MAGI2: variants seen among roughly 807,000 people sequenced by gnomAD.
MAGI2 encodes membrane associated guanylate kinase, WW and PDZ domain containing 2, also known as membrane-associated guanylate kinase, WW and PDZ domain-containing protein 2.
A neutral mutation model predicts 133.3 loss-of-function variants in MAGI2; 35 were observed. That is an observed-to-expected ratio of 0.26 (90% confidence interval 0.20 to 0.35). The LOEUF (loss-of-function observed/expected upper bound fraction) is 0.35. Among genes scored for constraint, MAGI2 ranks in the 10% least tolerant of loss-of-function variants. The pLI, the probability that MAGI2 is intolerant of heterozygous loss-of-function variation, is 1.00. For missense variants in MAGI2, 1,636 were observed against 1,863.4 expected (o/e 0.88, Z 2.25); for synonymous variants, 729 against 710.6 (o/e 1.03, Z -0.41).
intron 1 of MAGI2, among the ~76,000 whole-genome samples, chr7:79,055,283 G>C (rs1025499397): frequency 8.8e-6 from 1 of 113,850 alleles, no homozygotes; most frequent in Non-Finnish European, 1.7e-5. Context: ...GTAAGGGCAT[G>C]CCTTTTTTTT....
At chr7:79,065,645 G>A (rs1814230413) in intron 1 of MAGI2, among the ~76,000 whole-genome samples, 1 of 152,016 alleles carries the variant, frequency 6.6e-6, no homozygotes, top group South Asian at 2.1e-4. Context: ...ATGTGCCATA[G>A]TGGTTTGCTG....
chr7:78,313,728 T>G (rs2151101544), intron 9 of MAGI2, among the ~76,000 whole-genome samples: 1 of 152,244 alleles, frequency 6.6e-6, no homozygotes, highest in Admixed American at 6.5e-5. Flanking sequence ...TTTTTTGCTC[T>G]TAAAACTATA....
intron 1 of MAGI2, among the ~76,000 whole-genome samples, chr7:79,255,890 G>GT (rs1222266971): frequency 6.6e-6 from 1 of 152,172 alleles, no homozygotes; most frequent in East Asian, 1.9e-4. Flanking sequence ...GGATTTGGAT[G>GT]TTTTCCAGTT....
chr7:78,465,904 C>T (rs557430356), intron 6 of MAGI2, among the ~76,000 whole-genome samples: 45 of 152,194 alleles, frequency 3.0e-4, no homozygotes, highest in African/African-American at 6.5e-4. Flanking sequence ...CTATGCACTT[C>T]GGCCGTAAAG....
chr7:79,084,110 G>C (rs1024329341), intron 1 of MAGI2, among the ~76,000 whole-genome samples: 3 of 151,264 alleles, frequency 2.0e-5, no homozygotes, highest in African/African-American at 7.3e-5. Flanking sequence ...TCAATTTTTT[G>C]GTGTACTTGA....
At chr7:78,519,630 A>G (rs944018845) in intron 4 of MAGI2, among the ~76,000 whole-genome samples, 3 of 152,186 alleles carry the variant, frequency 2.0e-5, no homozygotes, top group African/African-American at 7.2e-5. Context: ...CCTTATGCAT[A>G]AGGTATGAAT....
intron 6 of MAGI2, among the ~76,000 whole-genome samples, chr7:78,453,653 G>A (rs574797665): frequency 6.6e-6 from 1 of 152,244 alleles, no homozygotes; most frequent in African/African-American, 2.4e-5. Flanking sequence ...TGGGTGGCCA[G>A]TGCAATGCTG....
chr7:78,961,256 T>C (rs992647505), intron 2 of MAGI2, among the ~76,000 whole-genome samples: 16 of 152,222 alleles, frequency 1.1e-4, no homozygotes, highest in African/African-American at 2.9e-4. Flanking sequence ...GTGATATAAA[T>C]GTAATCTTCA....
intron 21 of MAGI2, among the ~76,000 whole-genome samples, chr7:78,036,896 G>A (rs1339909405): frequency 6.6e-6 from 1 of 152,204 alleles, no homozygotes; most frequent in African/African-American, 2.4e-5. Flanking sequence ...TTATAGGTGT[G>A]AGCCACCATG....
chr7:78,538,174 C>T (rs1263919038), intron 3 of MAGI2, among the ~76,000 whole-genome samples: 1 of 152,142 alleles, frequency 6.6e-6, no homozygotes, highest in Non-Finnish European at 1.5e-5. Flanking sequence ...CTATGCTGTT[C>T]CATTGGTCCC....
At chr7:78,192,748 C>A (rs1403272513) in intron 12 of MAGI2, among the ~76,000 whole-genome samples, 2 of 152,150 alleles carry the variant, frequency 1.3e-5, no homozygotes, top group Non-Finnish European at 2.9e-5. Context: ...ATGAGCTTGT[C>A]CTCTTTTGGC....
rs543851320 is a variant in MAGI2, at chr7:79,302,395, A to G, written c.301+150625T>C. 7.9e-5 allele frequency among the ~76,000 whole-genome samples: 12 copies of G among 152,266 alleles called. No individual in the cohort carries two copies. In the South Asian group the frequency reaches 2.5e-3, roughly 32 times the overall value. On this transcript the variant is annotated intron_variant, in intron 1 of 21. Coordinates refer to ENST00000354212, the MANE Select transcript of MAGI2 (RefSeq NM_012301.4). ...CACAGCTAACATAGCAGCAGACATG[A>G]TATCTTTTTTCCATTATTCCCTTCA...
chr7:78,783,961 TTGAC>T (rs1826600377), intron 2 of MAGI2, among the ~76,000 whole-genome samples: 2 of 152,218 alleles, frequency 1.3e-5, no homozygotes, highest in African/African-American at 2.4e-5. Context: ...GTTTTCTTCT[TTGAC>T]TGAGTCTGGG....
At chr7:78,292,971 C>G (rs1236582258) in intron 9 of MAGI2, among the ~76,000 whole-genome samples, 1 of 152,114 alleles carries the variant, frequency 6.6e-6, no homozygotes, top group Non-Finnish European at 1.5e-5. Flanking sequence ...GACCTAAAAC[C>G]ATAGAAACCC....
At chr7:79,078,143 A>G (rs895661401) in intron 1 of MAGI2, among the ~76,000 whole-genome samples, 7 of 152,188 alleles carry the variant, frequency 4.6e-5, no homozygotes, top group Non-Finnish European at 8.8e-5. Context: ...TACTTGCCCA[A>G]ATAGACAGTT....
At chr7:79,269,162 T>C (rs1189055000) in intron 1 of MAGI2, among the ~76,000 whole-genome samples, 3 of 152,172 alleles carry the variant, frequency 2.0e-5, no homozygotes, top group Non-Finnish European at 2.9e-5. Flanking sequence ...TTAGCAGTTC[T>C]CTCCGCTTTT....
At chr7:78,364,944 T>C (rs757285001) in intron 7 of MAGI2, among the ~76,000 whole-genome samples, 1 of 152,204 alleles carries the variant, frequency 6.6e-6, no homozygotes, top group Non-Finnish European at 1.5e-5. Context: ...TCAGGAAAAA[T>C]TGGGCTAAGT....
At chr7:78,040,841 T>A (rs1810757316) in intron 21 of MAGI2, among the ~76,000 whole-genome samples, 1 of 152,200 alleles carries the variant, frequency 6.6e-6, no homozygotes, top group Non-Finnish European at 1.5e-5. Context: ...ATTAAGGGGC[T>A]AACTGGAGCT....
At chr7:78,676,093 T>C (rs1371072663) in intron 2 of MAGI2, among the ~76,000 whole-genome samples, 1 of 152,118 alleles carries the variant, frequency 6.6e-6, no homozygotes, top group Non-Finnish European at 1.5e-5. Flanking sequence ...TATTCAGTAA[T>C]AAGAAGTATA....
Sources: allele counts gnomAD v4.1 joint callset (sites outside exome capture counted in the v4.1 genomes callset), GRCh38; gene constraint gnomAD v4.1.1; transcripts MANE v1.5; gene names NCBI Gene and HGNC (gene_info 2026-07-23, HGNC 2026-07-21).